The following PRELID2 variants were observed in gnomAD, a reference collection of about 807,000 sequenced individuals.
PRELID2 encodes the protein PRELI domain containing 2.
PRELID2 carries 25 observed loss-of-function variants against 28.4 expected under a neutral mutation model. That is an observed-to-expected ratio of 0.88 (90% CI 0.64 to 1.23). The LOEUF is 1.23. Ranked by LOEUF, PRELID2 falls within the 50% of genes most tolerant of loss-of-function variation. PRELID2 has a pLI of 0.00. For synonymous variants in PRELID2, 76 were observed against 71.6 expected (o/e 1.06, Z -0.31); for missense variants, 201 against 214.4 (o/e 0.94, Z 0.39).
the PRELID2 span, among the ~76,000 whole-genome samples, chr5:145,342,969 A>G: frequency 6.6e-6 from 1 of 151,838 alleles, no homozygotes; most frequent in Admixed American, 6.6e-5. Context: ...AAAAGAATAA[A>G]ACAATTTTTA....
intron 5 of PRELID2, among the ~76,000 whole-genome samples, chr5:145,786,307 G>A (rs2149802402): frequency 6.6e-6 from 1 of 152,252 alleles, no homozygotes; most frequent in South Asian, 2.1e-4. Flanking sequence ...CCTTTTTAGT[G>A]TGGGCTGTGA....
intron 4 of PRELID2, among the ~76,000 whole-genome samples, chr5:145,813,513 C>T (rs566615007): frequency 1.2e-3 from 176 of 152,274 alleles, no homozygotes; most frequent in African/African-American, 4.0e-3. Flanking sequence ...CTCTACAGAA[C>T]AAGATAAACC....
intron 1 of PRELID2, among the ~76,000 whole-genome samples, chr5:145,546,509 T>C (rs992786266): frequency 2.6e-5 from 4 of 152,146 alleles, no homozygotes; most frequent in African/African-American, 4.8e-5. Context: ...TTCATGAACC[T>C]GAAGTAAAAT....
chr5:145,466,870 C>G (rs1469771237), downstream of PRELID2, among the ~76,000 whole-genome samples: 2 of 152,106 alleles, frequency 1.3e-5, no homozygotes, highest in Admixed American at 6.6e-5. Flanking sequence ...ATGCCTCTAC[C>G]ATTACAACCT....
intron 1 of PRELID2, among the ~76,000 whole-genome samples, chr5:145,654,863 A>G (rs958051949): frequency 7.4e-4 from 112 of 152,174 alleles, no homozygotes; most frequent in Middle Eastern, 3.4e-3. Flanking sequence ...CTCTCTCGCC[A>G]CTCCTATTCA....
At chr5:145,376,195 T>C in the PRELID2 span, among the ~76,000 whole-genome samples, 1 of 152,212 alleles carries the variant, frequency 6.6e-6, no homozygotes, top group African/African-American at 2.4e-5. Context: ...ATGAATCACA[T>C]TTATTGACTT....
At chr5:145,819,046 C>T (rs1365826729) in intron 3 of PRELID2, among the ~76,000 whole-genome samples, 2 of 152,180 alleles carry the variant, frequency 1.3e-5, no homozygotes, top group African/African-American at 2.4e-5. Context: ...CCCCTGCACA[C>T]GCTCTCTTGC....
the PRELID2 span, among the ~76,000 whole-genome samples, chr5:145,297,264 G>A: frequency 2.0e-5 from 3 of 151,976 alleles, no homozygotes; most frequent in Non-Finnish European, 2.9e-5. Flanking sequence ...TGAAGTCCTT[G>A]CCCATGCCTA....
chr5:145,653,802 A>T (rs534278660), intron 1 of PRELID2, among the ~76,000 whole-genome samples: 1 of 152,246 alleles, frequency 6.6e-6, no homozygotes, highest in East Asian at 1.9e-4. Context: ...AGCAGGAAAG[A>T]TCTAAAATTG....
At chr5:145,789,631 A>G (rs1752233869) in intron 5 of PRELID2, among the ~76,000 whole-genome samples, 1 of 152,172 alleles carries the variant, frequency 6.6e-6, no homozygotes, top group African/African-American at 2.4e-5. Flanking sequence ...GGGAACAAAA[A>G]CAGACAAATA....
chr5:145,393,840 C>T, the PRELID2 span, among the ~76,000 whole-genome samples: 3 of 152,166 alleles, frequency 2.0e-5, no homozygotes, highest in African/African-American at 7.2e-5. Flanking sequence ...GGGGAGACTG[C>T]ATGAGGAAGA....
chr5:145,340,020 G>A, the PRELID2 span, among the ~76,000 whole-genome samples: 2 of 152,156 alleles, frequency 1.3e-5, no homozygotes, highest in Admixed American at 6.5e-5. Flanking sequence ...CTAGCTGAGA[G>A]GGGCTCACAC....
chr5:145,679,669 G>A (rs556563460), intron 1 of PRELID2, among the ~76,000 whole-genome samples: 3 of 151,994 alleles, frequency 2.0e-5, no homozygotes, highest in Non-Finnish European at 4.4e-5. Flanking sequence ...GAAGCTAATG[G>A]TGATGAAGTT....
At chr5:145,737,654 T>G (rs912291069) in intron 1 of PRELID2, among the ~76,000 whole-genome samples, 1 of 152,152 alleles carries the variant, frequency 6.6e-6, no homozygotes, top group Admixed American at 6.5e-5. Flanking sequence ...AGAAGCAGTC[T>G]TGCAAGGCAG....
At chr5:145,747,391 A>G (rs543581893) in intron 1 of PRELID2, among the ~76,000 whole-genome samples, 12 of 152,220 alleles carry the variant, frequency 7.9e-5, no homozygotes, top group African/African-American at 2.6e-4. Flanking sequence ...GAGAATACTA[A>G]AAACACCTCT....
intron 5 of PRELID2, among the ~76,000 whole-genome samples, chr5:145,769,950 T>G (rs901669581): frequency 6.6e-6 from 1 of 152,182 alleles, no homozygotes; most frequent in African/African-American, 2.4e-5. Context: ...GACATTTCAG[T>G]CAATGACAGA....
chr5:145,559,540 T>C (rs1312865471), intron 1 of PRELID2, among the ~76,000 whole-genome samples: 4 of 152,196 alleles, frequency 2.6e-5, no homozygotes, highest in African/African-American at 7.2e-5. Flanking sequence ...ACAAAATCTA[T>C]AGCAATGCAT....
At chr5:145,641,610 C>T (rs1435773335) in intron 1 of PRELID2, among the ~76,000 whole-genome samples, 1 of 152,174 alleles carries the variant, frequency 6.6e-6, no homozygotes, top group African/African-American at 2.4e-5. Flanking sequence ...TTGCTGCACC[C>T]ATCAACCAAT....
intron 5 of PRELID2, among the ~76,000 whole-genome samples, chr5:145,789,072 C>A (rs1752196792): frequency 6.6e-6 from 1 of 152,110 alleles, no homozygotes; most frequent in East Asian, 1.9e-4. Flanking sequence ...ATCCATAATA[C>A]CCAAAGCAAT....
Sources: allele counts gnomAD v4.1 joint callset (sites outside exome capture counted in the v4.1 genomes callset), GRCh38; gene constraint gnomAD v4.1.1; transcripts MANE v1.5; gene names NCBI Gene and HGNC (gene_info 2026-07-23, HGNC 2026-07-21).